COL13A1: variants seen among roughly 807,000 people sequenced by gnomAD.
The protein encoded by COL13A1 is collagen type XIII alpha 1 chain.
A neutral mutation model predicts 130.9 loss-of-function variants in COL13A1; 89 were observed. The observed-to-expected ratio is 0.68, with a 90% CI of 0.57 to 0.81. The LOEUF is 0.81. Ranked by LOEUF, COL13A1 falls within the 30% of genes least tolerant of loss-of-function variation. The probability of loss-of-function intolerance (pLI) is 0.00; values close to 1 mark genes in which losing one functional copy is unlikely to be tolerated. For missense variants in COL13A1, 879 were observed against 934.6 expected (o/e 0.94, Z 0.78); for synonymous variants, 402 against 341.6 (o/e 1.18, Z -1.95).
At chr10:69,807,399 G>A (rs1345623292) in intron 1 of COL13A1, among the ~76,000 whole-genome samples, 2 of 152,166 alleles carry the variant, frequency 1.3e-5, no homozygotes, top group African/African-American at 4.8e-5. Flanking sequence ...GGAACCCCAG[G>A]CAGACTCCTT....
rs756183679 is a variant in COL13A1, at chr10:69,919,108, GT to G, written c.1026+22del. The G allele has an allele frequency of 6.2e-7, 1 of 1,613,972 alleles. No homozygotes were observed. The highest frequency in any genetic ancestry group is 8.5e-7 in the Non-Finnish European group (1 of 1,179,840). ...ACCAAGGTACTGATGCAGAGAGAAT[GT>G]TCCGGGCTGCACAGAGCATCGGTCA... On this transcript the variant is annotated intron_variant, in intron 20 of 40. Coordinates refer to ENST00000645393, the MANE Select transcript of COL13A1 (RefSeq NM_001368882.1).
At chr10:69,945,484 C>T (rs1434501478) in intron 36 of COL13A1, among the ~76,000 whole-genome samples, 187 bp from the exon 37 acceptor site, 1 of 152,184 alleles carries the variant, frequency 6.6e-6, no homozygotes, top group Non-Finnish European at 1.5e-5. Flanking sequence ...GTGAGGGGGG[C>T]TTCTGAGCCC....
intron 1 of COL13A1, among the ~76,000 whole-genome samples, chr10:69,809,476 T>C (rs1259561599): frequency 6.6e-6 from 1 of 152,274 alleles, no homozygotes; most frequent in Non-Finnish European, 1.5e-5. Context: ...CTATTGTTAC[T>C]ATTCCCTTCT....
chr10:69,907,063 AC>A (rs1565019968), intron 17 of COL13A1, among the ~76,000 whole-genome samples: 1 of 152,218 alleles, frequency 6.6e-6, no homozygotes, highest in African/African-American at 2.4e-5. Flanking sequence ...TGGGCCTTCC[AC>A]TAGAAAATCT....
intron 3 of COL13A1, 110 bp from the exon 4 acceptor site, chr10:69,872,074 A>C (rs1233277516): frequency 7.8e-7 from 1 of 1,280,290 alleles, no homozygotes; most frequent in Non-Finnish European, 1.1e-6. Context: ...TAAAATAACA[A>C]AGGCTTACCC....
chr10:69,810,347 TGAGAGAGAGA>T (rs55816117), intron 1 of COL13A1, among the ~76,000 whole-genome samples: 13 of 119,830 alleles, frequency 1.1e-4, no homozygotes, highest in African/African-American at 3.1e-4. Flanking sequence ...GCCCTGAGAA[TGAGAGAGAGA>T]GAGAGAGAGA....
At chr10:69,915,269 G>T (rs1207536038) in intron 17 of COL13A1, among the ~76,000 whole-genome samples, 1 of 152,214 alleles carries the variant, frequency 6.6e-6, no homozygotes, top group African/African-American at 2.4e-5. Flanking sequence ...GCAGTAAGTG[G>T]CTGTGCCCTT....
In COL13A1 at chr10:69,930,518, G is replaced by T. The variant is rs757910783; in HGVS notation, c.1649G>T (p.Gly550Val). 1.9e-6 allele frequency: 3 copies of T among 1,613,386 alleles called. No individual in the cohort carries two copies. Among genetic ancestry groups the T allele is most frequent in the Non-Finnish European group, 2.5e-6 (3 of 1,179,688 alleles). Reference sequence around the variant, plus strand: ...CACCCAGGGAGCCCAGGAGAGAAGGGGGAAAAAGGGGAGACAGGACAAGCA... The same window carrying T: ...CACCCAGGGAGCCCAGGAGAGAAGGTGGAAAAAGGGGAGACAGGACAAGCA... ...NGHPGSPGEK[G>V]EKGETGQAGS... Residue 550 changes from glycine (G) to valine (V), a missense_variant, in exon 30 of 41, where the codon GGG (glycine) becomes GTG (valine). Physicochemically the swap from Gly to Val is moderately radical, Grantham distance 109. Around this residue, in one of 3 missense-constraint regions of COL13A1, gnomAD observed 715 missense variants for 721.0 expected, o/e 0.99. Coordinates refer to ENST00000645393, the MANE Select transcript of COL13A1 (RefSeq NM_001368882.1).
At chr10:69,804,233 C>CG (rs1013135403) in intron 1 of COL13A1, among the ~76,000 whole-genome samples, 15 of 151,802 alleles carry the variant, frequency 9.9e-5, no homozygotes, top group African/African-American at 1.5e-4. Flanking sequence ...CCAGGTATCT[C>CG]GGGGGTCCTG....
intron 14 of COL13A1, among the ~76,000 whole-genome samples, chr10:69,899,249 A>T (rs1163873744): frequency 1.3e-5 from 2 of 152,106 alleles, no homozygotes; most frequent in Non-Finnish European, 2.9e-5. Flanking sequence ...TCTATAAAAT[A>T]AGGATAATAA....
Position 69,908,837 on chromosome 10 carries a change from T to C in COL13A1, c.921+3015T>C, listed in dbSNP as rs370710036. Among the ~76,000 whole-genome samples, 38 of 152,330 alleles carry C rather than the reference T, an allele frequency of 2.5e-4. No homozygotes were observed. The East Asian group carries it at 2.9e-3, about 12-fold the overall frequency. On this transcript the variant is annotated intron_variant, in intron 17 of 40. Transcript: ENST00000645393. ...CTGCTCTAGTGTGGAAGAAGGATCA[T>C]ACTTTCTTTTGCATGACTAGAAGTA...
chr10:69,876,196 C>T (rs903369284), intron 5 of COL13A1, among the ~76,000 whole-genome samples: 7 of 152,366 alleles, frequency 4.6e-5, no homozygotes, highest in African/African-American at 1.7e-4. Flanking sequence ...TCCACCCCTA[C>T]TCTTCCGATG....
At chr10:69,838,906 C>A (rs1387800964) in intron 2 of COL13A1, among the ~76,000 whole-genome samples, 3 of 152,204 alleles carry the variant, frequency 2.0e-5, no homozygotes, top group Non-Finnish European at 4.4e-5. Context: ...CTTGGCGAAG[C>A]CAGTGAGTTC....
intron 1 of COL13A1, 29 bp downstream of exon 1, chr10:69,802,746 C>A (rs746241816): frequency 8.1e-6 from 13 of 1,606,338 alleles, no homozygotes; most frequent in African/African-American, 1.4e-5. Flanking sequence ...TGGCTTTTAT[C>A]CCTCCCCGCG....
intron 29 of COL13A1, 60 bp downstream of exon 29, chr10:69,930,147 G>A (rs1281191559): frequency 6.4e-7 from 1 of 1,557,536 alleles, no homozygotes; most frequent in Admixed American, 1.7e-5. Flanking sequence ...GGGGGCAGGA[G>A]GTCGGGCAGG....
chr10:69,885,145 A>G (rs911282240), intron 7 of COL13A1, among the ~76,000 whole-genome samples: 1 of 152,258 alleles, frequency 6.6e-6, no homozygotes, highest in Admixed American at 6.5e-5. Context: ...GAAACTGGGG[A>G]AGGCCCTTTT....
At chr10:69,815,984 G>A (rs1286780933) in intron 1 of COL13A1, among the ~76,000 whole-genome samples, 1 of 151,852 alleles carries the variant, frequency 6.6e-6, no homozygotes, top group Non-Finnish European at 1.5e-5. Context: ...AGGCCTAACA[G>A]CAAGCCAGGT....
intron 36 of COL13A1, among the ~76,000 whole-genome samples, chr10:69,944,986 T>G (rs1048558833): frequency 1.3e-5 from 2 of 152,250 alleles, no homozygotes; most frequent in Non-Finnish European, 2.9e-5. Context: ...TCACAGGACT[T>G]GCAGTTCCTG....
At chr10:69,886,161 A>G (rs1263199869) in intron 7 of COL13A1, among the ~76,000 whole-genome samples, 2 of 152,172 alleles carry the variant, frequency 1.3e-5, no homozygotes, top group Non-Finnish European at 2.9e-5. Context: ...CACAAGACAT[A>G]TTGGGCTCAA....
Sources: allele counts gnomAD v4.1 joint callset (sites outside exome capture counted in the v4.1 genomes callset), GRCh38; gene constraint gnomAD v4.1.1; regional missense constraint gnomAD v4.1.1; transcripts MANE v1.5; gene names NCBI Gene and HGNC (gene_info 2026-07-23, HGNC 2026-07-21).